Variants in GOLIM4 observed in about 807,000 individuals in gnomAD.
GOLIM4 encodes 130 kDa golgi-localized phosphoprotein.
A neutral mutation model predicts 107.4 loss-of-function variants in GOLIM4; 71 were observed. The ratio of observed to expected loss-of-function variants is 0.66; its 90% confidence interval spans 0.55 to 0.81. GOLIM4 has a LOEUF of 0.81. Among genes scored for constraint, GOLIM4 ranks in the 30% least tolerant of loss-of-function variants. The probability of loss-of-function intolerance (pLI) is 0.00; values close to 1 mark genes in which losing one functional copy is unlikely to be tolerated. For missense variants in GOLIM4, 830 were observed against 826.1 expected, an observed-to-expected ratio of 1.00 and a Z score of -0.06; for synonymous variants, 327 against 294.8, an observed-to-expected ratio of 1.11 and a Z score of -1.12.
intron 1 of GOLIM4, among the ~76,000 whole-genome samples, chr3:168,086,758 T>C (rs190344829): frequency 9.4e-4 from 143 of 152,320 alleles, no homozygotes; most frequent in Non-Finnish European, 1.5e-3. Context: ...TGAAGGACAA[T>C]GACTGACATG....
chr3:168,010,455 G>A (rs374075762), intron 15 of GOLIM4, 37 bp from the exon 16 acceptor site: 683 of 1,334,186 alleles, frequency 5.1e-4, no homozygotes, highest in Non-Finnish European at 7.0e-4. Context: ...CTAAGAGATA[G>A]TATAGAGTTA....
intron 1 of GOLIM4, among the ~76,000 whole-genome samples, chr3:168,073,859 C>T (rs763229876): frequency 2.0e-5 from 3 of 152,180 alleles, no homozygotes; most frequent in Non-Finnish European, 2.9e-5. Context: ...AGGAGCTAAC[C>T]TTCCAGATTG....
At chr3:168,037,038 C>CCATCTATGAATGGG in intron 7 of GOLIM4, 44 bp from the exon 8 acceptor site, 1 of 1,432,072 alleles carries the variant, frequency 7.0e-7, no homozygotes, top group Non-Finnish European at 9.8e-7. Flanking sequence ...CTATGAATGC[C>CCATCTATGAATGGG]CATTCATAGA....
At position 168,044,890 on chromosome 3, in the gene GOLIM4, C is replaced by CAA. The variant is rs57702503; in HGVS notation, c.313-11_313-10dup. The CAA allele has an allele frequency of 9.8e-3, 12,270 of 1,257,962 alleles. No homozygotes were observed. The highest frequency in any genetic ancestry group is 0.012 in the Non-Finnish European group (10,614 of 913,998). 77.9% of individuals were successfully genotyped at this position (1,257,962 alleles called of 1,614,324 possible). On this transcript the variant is annotated splice_polypyrimidine_tract_variant and intron_variant, in intron 3 of 15. Transcript: ENST00000470487. ...CTGCTATTGGAATCTTGCTGTAAAT[C>CAA]AAAAAAAAAAAAGAAAACACAAAGA... is the stretch of plus-strand genomic sequence containing the variant.
intron 1 of GOLIM4, among the ~76,000 whole-genome samples, chr3:168,089,769 C>CCT (rs1161401076): frequency 2.9e-5 from 4 of 137,922 alleles, no homozygotes; most frequent in Non-Finnish European, 1.6e-5. Flanking sequence ...ATGTTTCTCT[C>CCT]TTTTTTTTTT....
At chr3:168,031,662 G>C (rs9845039) in intron 9 of GOLIM4, among the ~76,000 whole-genome samples, 25,163 of 152,180 alleles carry the variant, frequency 0.17, 2,671 homozygotes, top group Middle Eastern at 0.29. Context: ...CTGAGGTTAA[G>C]TTTGCAACTA....
At position 168,010,337 on chromosome 3, in the gene GOLIM4, C is replaced by G; in HGVS notation, c.2023G>C (p.Glu675Gln). 2 of 1,613,962 alleles carry G rather than the reference C, an allele frequency of 1.2e-6. No homozygotes were observed. The highest frequency in any genetic ancestry group is 1.7e-6 in the Non-Finnish European group (2 of 1,179,888). Residue 675 changes from glutamate (E) to glutamine (Q), a missense_variant, in exon 16 of 16, where the codon GAG becomes CAG. Physicochemically the swap from Glu to Gln is conservative, Grantham distance 29. Coordinates refer to ENST00000470487, the MANE Select transcript of GOLIM4 (RefSeq NM_014498.5). ...CCGTCTTCTTCCTCCTCTTCTTCCT[C>G]CTCGTAGTGTTCCTCTCGGCCTTTG... Reference protein sequence around the residue: ...RPKGREEHYEEEEEEEEDGAA... With the variant: ...RPKGREEHYEQEEEEEEDGAA...
intron 2 of GOLIM4, 43 bp downstream of exon 2, chr3:168,048,243 AAGAAG>A (rs1424445259): frequency 2.0e-6 from 2 of 982,836 alleles, no homozygotes; most frequent in African/African-American, 3.2e-5. Flanking sequence ...TGATACGTCA[AAGAAG>A]AGTACTGGAA....
At chr3:168,026,121 G>A (rs1370520881) in intron 12 of GOLIM4, among the ~76,000 whole-genome samples, 2 of 152,080 alleles carry the variant, frequency 1.3e-5, no homozygotes, top group Non-Finnish European at 2.9e-5. Flanking sequence ...AGAGTTCACT[G>A]CCATCTCAGC....
At chr3:168,038,030 C>G (rs1348073753) in intron 7 of GOLIM4, among the ~76,000 whole-genome samples, 3 of 152,178 alleles carry the variant, frequency 2.0e-5, no homozygotes, top group Non-Finnish European at 2.9e-5. Flanking sequence ...TAGCTATGCA[C>G]CATGGCACAC....
chr3:168,033,696 A>G (rs1718480213), intron 8 of GOLIM4, among the ~76,000 whole-genome samples: 1 of 151,784 alleles, frequency 6.6e-6, no homozygotes, highest in African/African-American at 2.4e-5. Context: ...CTGTTAAACA[A>G]GATACAATAA....
chr3:168,090,809 A>T (rs538586399), intron 1 of GOLIM4, among the ~76,000 whole-genome samples: 4 of 152,234 alleles, frequency 2.6e-5, no homozygotes, highest in African/African-American at 9.6e-5. Context: ...AAAATGTGGT[A>T]TATATACACC....
chr3:168,034,629 T>C, intron 8 of GOLIM4, among the ~76,000 whole-genome samples: 1 of 152,178 alleles, frequency 6.6e-6, no homozygotes, highest in East Asian at 1.9e-4. Flanking sequence ...GCAAAGGACA[T>C]GAACACACAC....
intron 1 of GOLIM4, among the ~76,000 whole-genome samples, chr3:168,051,884 GA>G (rs1439039796): frequency 2.6e-5 from 4 of 152,114 alleles, no homozygotes; most frequent in African/African-American, 9.7e-5. Flanking sequence ...AAGAATAAAG[GA>G]AAACAAACTG....
chr3:168,056,978 G>A (rs1296656614), intron 1 of GOLIM4, among the ~76,000 whole-genome samples: 1 of 152,074 alleles, frequency 6.6e-6, no homozygotes, highest in African/African-American at 2.4e-5. Flanking sequence ...AGGGGTCAGG[G>A]GTGGAATGAT....
intron 1 of GOLIM4, among the ~76,000 whole-genome samples, chr3:168,059,822 G>A (rs2108266549): frequency 6.6e-6 from 1 of 152,236 alleles, no homozygotes; most frequent in East Asian, 1.9e-4. Flanking sequence ...TTTCAGTGGG[G>A]ACATGTGAGA....
chr3:168,046,122 C>T (rs143803195), intron 3 of GOLIM4, among the ~76,000 whole-genome samples: 46 of 152,300 alleles, frequency 3.0e-4, no homozygotes, highest in Admixed American at 2.8e-3. Flanking sequence ...ATCCTCCTGC[C>T]TCAGCCTCCC....
intron 1 of GOLIM4, among the ~76,000 whole-genome samples, chr3:168,049,189 A>T (rs1413903935): frequency 6.6e-6 from 1 of 152,144 alleles, no homozygotes; most frequent in Admixed American, 6.5e-5. Context: ...GAGAAGAGGC[A>T]TACCACAACA....
intron 12 of GOLIM4, 121 bp downstream of exon 12, chr3:168,027,607 C>T: frequency 1.4e-6 from 1 of 692,318 alleles, no homozygotes; most frequent in Non-Finnish European, 2.6e-6. Context: ...AGCCATTTTC[C>T]TTCTGGGCTG....
Sources: gnomAD v4.1 joint callset for allele counts (sites outside exome capture counted in the v4.1 genomes callset) on GRCh38, gnomAD v4.1.1 for gene constraint, MANE v1.5 for transcripts, NCBI Gene and HGNC (gene_info 2026-07-23, HGNC 2026-07-21) for gene names.